GALNT10: variants seen among roughly 807,000 people sequenced by gnomAD.
GALNT10 encodes the protein GalNAc transferase 10.
A neutral mutation model predicts 75.0 loss-of-function variants in GALNT10; 41 were observed. That is an observed-to-expected ratio of 0.55 (90% CI 0.43 to 0.71). The LOEUF is 0.71. Ranked by LOEUF, GALNT10 falls within the 30% of genes least tolerant of loss-of-function variation. The pLI, the probability that GALNT10 is intolerant of heterozygous loss-of-function variation, is 0.00. For synonymous variants in GALNT10, 302 were observed against 313.0 expected (o/e 0.96, Z 0.37); for missense variants, 727 against 818.5 (o/e 0.89, Z 1.36).
chr5:154,417,980 G>A lies in GALNT10; in HGVS notation c.*1008G>A, dbSNP rs1163718200. Reference sequence around the variant, plus strand: ...AGTGCCTGCCTCTGACCTCATCATGGTTCTAGTTCTCATACAGAACTCCAG... The same window carrying A: ...AGTGCCTGCCTCTGACCTCATCATGATTCTAGTTCTCATACAGAACTCCAG... On this transcript the variant is annotated 3_prime_UTR_variant, in exon 12 of 12. Coordinates refer to ENST00000297107, the MANE Select transcript of GALNT10 (RefSeq NM_198321.4). 1 of 152,204 alleles carries A rather than the reference G, an allele frequency of 6.6e-6. No individual in the cohort carries two copies. The highest frequency in any genetic ancestry group is 1.9e-4 in the East Asian group (1 of 5,202). 9.4% of individuals were successfully genotyped at this position (152,204 alleles called of 1,614,324 possible). A position where few individuals can be genotyped will look rare whatever the true frequency, so the allele number is the denominator to read the frequency against.
At chr5:154,248,778 C>T (rs1380726098) in intron 1 of GALNT10, among the ~76,000 whole-genome samples, 2 of 152,110 alleles carry the variant, frequency 1.3e-5, no homozygotes, top group African/African-American at 4.8e-5. Context: ...GATTCATTAA[C>T]TGCTGCGCCT....
rs1243826802 is a variant in GALNT10 at position 154,419,591 on chromosome 5, TC to T, written c.*2621del. ...CACACCCTGAAAAGGGATGGGTGTG[TC>T]CTCTGAGCACTCTGGCATTTGTCAT... On this transcript the variant is annotated 3_prime_UTR_variant, in exon 12 of 12. Transcript: ENST00000297107. 4.6e-5 allele frequency: 7 copies of T among 152,174 alleles called. No individual in the cohort carries two copies. Among genetic ancestry groups the T allele is most frequent in the Admixed American group, 3.3e-4 (5 of 15,278 alleles). The allele number at this position is 152,174 out of a possible 1,614,324, so 9.4% of individuals were successfully genotyped here. A position where few individuals can be genotyped will look rare whatever the true frequency, so the allele number is the denominator to read the frequency against.
At chr5:154,348,446 A>T (rs1228086652) in intron 4 of GALNT10, among the ~76,000 whole-genome samples, 4 of 152,340 alleles carry the variant, frequency 2.6e-5, no homozygotes, top group Non-Finnish European at 5.9e-5. Context: ...CTGCTTCTCT[A>T]TGGAGAGGTA....
At chr5:154,328,737 G>A (rs1443917957) in intron 3 of GALNT10, among the ~76,000 whole-genome samples, 1 of 152,150 alleles carries the variant, frequency 6.6e-6, no homozygotes, top group Non-Finnish European at 1.5e-5. Context: ...GCTGTAAATT[G>A]GTGGTTCCCC....
chr5:154,373,753 T>C (rs943416701), intron 4 of GALNT10, among the ~76,000 whole-genome samples: 1 of 152,220 alleles, frequency 6.6e-6, no homozygotes, highest in Admixed American at 6.5e-5. Context: ...GTAAATGTGC[T>C]GTCTAATAAG....
intron 1 of GALNT10, among the ~76,000 whole-genome samples, chr5:154,235,625 T>C (rs1057309351): frequency 1.3e-5 from 2 of 152,232 alleles, no homozygotes; most frequent in South Asian, 4.1e-4. Flanking sequence ...GTCATGGCTG[T>C]ACCAGTAACT....
intron 7 of GALNT10, among the ~76,000 whole-genome samples, chr5:154,395,907 G>A (rs1452542050): frequency 2.0e-5 from 3 of 152,186 alleles, no homozygotes; most frequent in African/African-American, 7.2e-5. Flanking sequence ...AGAGGCTGCC[G>A]TGGAGCCCAG....
chr5:154,293,613 A>ATTTTTTTTTTTTTTTTT (rs1201863629), intron 1 of GALNT10, among the ~76,000 whole-genome samples: 2 of 109,350 alleles, frequency 1.8e-5, no homozygotes, highest in African/African-American at 4.2e-5. Flanking sequence ...ATATATATAT[A>ATTTTTTTTTTTTTTTTT]TTTTTTTTTT....
intron 6 of GALNT10, among the ~76,000 whole-genome samples, chr5:154,383,622 C>T (rs1755764809): frequency 6.6e-6 from 1 of 152,160 alleles, no homozygotes; most frequent in Non-Finnish European, 1.5e-5. Flanking sequence ...TCCATGCAGC[C>T]CCTCAGCCCC....
intron 9 of GALNT10, among the ~76,000 whole-genome samples, chr5:154,411,344 C>G (rs1756393380): frequency 6.6e-6 from 1 of 152,180 alleles, no homozygotes; most frequent in Non-Finnish European, 1.5e-5. Flanking sequence ...CCAACCCCTA[C>G]TGCTTGGCCA....
At chr5:154,312,727 C>G (rs1375881824) in intron 3 of GALNT10, among the ~76,000 whole-genome samples, 1 of 152,176 alleles carries the variant, frequency 6.6e-6, no homozygotes, top group African/African-American at 2.4e-5. Flanking sequence ...TTTATTTCTT[C>G]TTTTCTCCTC....
intron 7 of GALNT10, among the ~76,000 whole-genome samples, chr5:154,396,231 T>TGAA (rs3080309): frequency 1.3e-5 from 2 of 152,080 alleles, no homozygotes; most frequent in African/African-American, 2.4e-5. Flanking sequence ...AATGAATGAA[T>TGAA]TAGGTAATTA....
intron 4 of GALNT10, among the ~76,000 whole-genome samples, chr5:154,348,825 CTT>C (rs1755165744): frequency 6.6e-6 from 1 of 152,166 alleles, no homozygotes; most frequent in African/African-American, 2.4e-5. Flanking sequence ...TTTTCAATGT[CTT>C]AATATCAGTT....
At chr5:154,264,606 A>G (rs1283997105) in intron 1 of GALNT10, among the ~76,000 whole-genome samples, 1 of 152,080 alleles carries the variant, frequency 6.6e-6, no homozygotes, top group African/African-American at 2.4e-5. Context: ...AAATCTTTTT[A>G]CTCTTTTTAA....
intron 4 of GALNT10, among the ~76,000 whole-genome samples, chr5:154,362,032 CAGGG>C (rs1755396084): frequency 2.6e-5 from 4 of 152,192 alleles, no homozygotes; most frequent in Non-Finnish European, 2.9e-5. Flanking sequence ...GATGCCTCTC[CAGGG>C]CTGAGAGTCT....
intron 3 of GALNT10, among the ~76,000 whole-genome samples, chr5:154,309,703 G>A (rs924749062): frequency 1.3e-5 from 2 of 152,186 alleles, no homozygotes; most frequent in African/African-American, 4.8e-5. Context: ...GGGAGATGGA[G>A]TTGCCATCTG....
chr5:154,283,278 T>TAA (rs59422213), intron 1 of GALNT10, among the ~76,000 whole-genome samples: 27,558 of 79,006 alleles, frequency 0.35, 5,903 homozygotes, highest in East Asian at 0.69. Context: ...ACCTCGTCTG[T>TAA]AAAAAAAAAA....
intron 1 of GALNT10, among the ~76,000 whole-genome samples, chr5:154,289,678 C>A (rs1209074781): frequency 6.6e-6 from 1 of 152,198 alleles, no homozygotes; most frequent in Non-Finnish European, 1.5e-5. Context: ...ATTAGAATCA[C>A]ATGGAGAATG....
At chr5:154,369,254 G>A (rs1188940345) in intron 4 of GALNT10, among the ~76,000 whole-genome samples, 1 of 152,154 alleles carries the variant, frequency 6.6e-6, no homozygotes, top group East Asian at 1.9e-4. Flanking sequence ...CAGGCATGGT[G>A]ATGCAGGTCT....
Sources: allele counts gnomAD v4.1 joint callset (sites outside exome capture counted in the v4.1 genomes callset), GRCh38; gene constraint gnomAD v4.1.1; transcripts MANE v1.5; gene names NCBI Gene and HGNC (gene_info 2026-07-23, HGNC 2026-07-21).